The following CACNA1E variants were observed in gnomAD, a reference collection of about 807,000 sequenced individuals.
The protein encoded by CACNA1E is calcium voltage-gated channel subunit alpha1 E, also known as voltage-dependent R-type calcium channel subunit alpha-1E.
CACNA1E carries 40 observed loss-of-function variants against 259.2 expected under a neutral mutation model. That is an observed-to-expected ratio of 0.15 (90% CI 0.12 to 0.20). CACNA1E has a LOEUF of 0.20. CACNA1E is among the 10% of genes least tolerant of loss of function. The pLI is 1.00. For synonymous variants in CACNA1E, 1,104 were observed against 1,138.5 expected (o/e 0.97, Z 0.61); for missense variants, 1,874 against 3,040.1 (o/e 0.62, Z 9.02).
intron 1 of CACNA1E, among the ~76,000 whole-genome samples, chr1:181,486,343 G>A (rs180916230): frequency 2.0e-5 from 3 of 152,240 alleles, no homozygotes; most frequent in African/African-American, 4.8e-5. Flanking sequence ...CATCTGCTAA[G>A]GTGTTTAGTG....
intron 6 of CACNA1E, among the ~76,000 whole-genome samples, chr1:181,641,718 T>G (rs12037746): frequency 2.7e-4 from 38 of 139,614 alleles, no homozygotes; most frequent in Admixed American, 5.6e-4. Flanking sequence ...TTTTTTTTTT[T>G]TTTTTTTTTT....
chr1:181,703,820 A>T (rs1652518989), intron 7 of CACNA1E, among the ~76,000 whole-genome samples: 1 of 152,180 alleles, frequency 6.6e-6, no homozygotes, highest in Admixed American at 6.5e-5. Context: ...CCGGTCTTGG[A>T]CAGGTGATCT....
At chr1:181,634,231 G>A (rs189912664) in intron 6 of CACNA1E, among the ~76,000 whole-genome samples, 59 of 152,248 alleles carry the variant, frequency 3.9e-4, no homozygotes, top group African/African-American at 1.4e-3. Context: ...TGACTTCATT[G>A]GGTCATTATG....
At chr1:181,537,556 G>A (rs1288100900) in intron 3 of CACNA1E, among the ~76,000 whole-genome samples, 1 of 152,290 alleles carries the variant, frequency 6.6e-6, no homozygotes, top group South Asian at 2.1e-4. Flanking sequence ...TGGAAGGGGG[G>A]AGAGGTCACA....
chr1:181,550,351 A>G (rs868184190), intron 3 of CACNA1E, among the ~76,000 whole-genome samples: 2 of 152,194 alleles, frequency 1.3e-5, no homozygotes, highest in Middle Eastern at 3.4e-3. Context: ...GTGGTGCCCT[A>G]TAGAAAGGCT....
Position 181,789,727 on chromosome 1 carries a change from T to C in CACNA1E, c.5787-718T>C, listed in dbSNP as rs116822962. 2.0e-3 allele frequency among the ~76,000 whole-genome samples: 307 copies of C among 152,374 alleles called. 2 individuals carry two copies. Among genetic ancestry groups the C allele is most frequent in the African/African-American group, 7.0e-3 (293 of 41,580 alleles). On this transcript the variant is annotated intron_variant, in intron 43 of 47. Coordinates refer to ENST00000367573, the MANE Select transcript of CACNA1E (RefSeq NM_001205293.3). ...CCGTCAGGTTAAGAGTATCTGGAAG[T>C]ACTAGACAGTGGTTTAATAACAAGC... is the stretch of plus-strand genomic sequence containing the variant.
intron 37 of CACNA1E, among the ~76,000 whole-genome samples, chr1:181,775,538 C>T (rs905231800): frequency 2.6e-5 from 4 of 152,300 alleles, no homozygotes; most frequent in African/African-American, 9.6e-5. Context: ...TTTAGTAGTT[C>T]CTGTTGCTTA....
chr1:181,716,174 G>A (rs1407680469), intron 10 of CACNA1E, 45 bp downstream of exon 10: 7 of 1,218,308 alleles, frequency 5.7e-6, no homozygotes, highest in South Asian at 1.3e-5. Flanking sequence ...AATCTCCCAC[G>A]AAAAGGAAGA....
chr1:181,528,654 G>C (rs751310507), intron 3 of CACNA1E, among the ~76,000 whole-genome samples: 2 of 152,216 alleles, frequency 1.3e-5, no homozygotes, highest in Non-Finnish European at 2.9e-5. Flanking sequence ...GTGGAGATGA[G>C]GAACTTGTTG....
intron 7 of CACNA1E, among the ~76,000 whole-genome samples, chr1:181,654,193 A>C (rs1658999784): frequency 6.6e-6 from 1 of 151,272 alleles, no homozygotes; most frequent in Non-Finnish European, 1.5e-5. Context: ...GCTCTTGGAA[A>C]TTAATGTAAA....
intron 2 of CACNA1E, among the ~76,000 whole-genome samples, chr1:181,453,871 C>G (rs1661302237): frequency 6.6e-6 from 1 of 152,182 alleles, no homozygotes. Context: ...CTCTTGAGCC[C>G]TTAGCCCCTG....
chr1:181,715,627 T>C (rs761366768), intron 9 of CACNA1E, among the ~76,000 whole-genome samples: 11 of 152,184 alleles, frequency 7.2e-5, no homozygotes, highest in Non-Finnish European at 1.3e-4. Context: ...CCAGGGCATG[T>C]GATTGATACT....
chr1:181,662,382 G>A (rs904987705), intron 7 of CACNA1E, among the ~76,000 whole-genome samples: 1 of 152,122 alleles, frequency 6.6e-6, no homozygotes, highest in Non-Finnish European at 1.5e-5. Context: ...AGCTGCCCTG[G>A]CTCCCTGTCT....
chr1:181,416,538 T>C (rs1191954802), intron 2 of CACNA1E, among the ~76,000 whole-genome samples: 1 of 152,190 alleles, frequency 6.6e-6, no homozygotes, highest in African/African-American at 2.4e-5. Flanking sequence ...TCATGTTTCA[T>C]CATCAGCAAA....
intron 6 of CACNA1E, among the ~76,000 whole-genome samples, chr1:181,622,643 C>A (rs1349545506): frequency 6.6e-6 from 1 of 152,156 alleles, no homozygotes; most frequent in Non-Finnish European, 1.5e-5. Context: ...ATTTTTAAAC[C>A]ACATCACCTC....
intron 1 of CACNA1E, among the ~76,000 whole-genome samples, chr1:181,503,021 G>A (rs1297522474): frequency 1.3e-5 from 2 of 152,212 alleles, no homozygotes; most frequent in Non-Finnish European, 2.9e-5. Context: ...TTTGAACAGG[G>A]CTGGTTTGAA....
intron 33 of CACNA1E, 41 bp downstream of exon 33, chr1:181,762,698 G>T: frequency 8.0e-7 from 1 of 1,256,360 alleles, no homozygotes; most frequent in East Asian, 2.4e-5. Flanking sequence ...GCTTGGCCCT[G>T]GAGTAGCATT....
At chr1:181,551,791 C>T (rs562537300) in intron 3 of CACNA1E, among the ~76,000 whole-genome samples, 97 of 152,198 alleles carry the variant, frequency 6.4e-4, no homozygotes, top group African/African-American at 2.1e-3. Flanking sequence ...AGCTCACTAC[C>T]GGGCAAGGCA....
At chr1:181,459,141 T>C (rs867813332) in intron 2 of CACNA1E, among the ~76,000 whole-genome samples, 1 of 152,190 alleles carries the variant, frequency 6.6e-6, no homozygotes, top group Admixed American at 6.5e-5. Context: ...TGAGCTGAGA[T>C]CTGAAAGCCA....
Sources: allele counts gnomAD v4.1 joint callset (sites outside exome capture counted in the v4.1 genomes callset), GRCh38; gene constraint gnomAD v4.1.1; transcripts MANE v1.5; gene names NCBI Gene and HGNC (gene_info 2026-07-23, HGNC 2026-07-21).